The following LSM3 variants were observed in gnomAD, a reference collection of about 807,000 sequenced individuals.
LSM3 encodes LSM3 homolog, U6 small nuclear RNA and mRNA degradation associated.
A neutral mutation model predicts 15.4 loss-of-function variants in LSM3; 14 were observed. The observed-to-expected ratio is 0.91, with a 90% CI of 0.60 to 1.42. The LOEUF (loss-of-function observed/expected upper bound fraction) is 1.42, where lower values mean the gene tolerates loss of function less well. Among genes scored for constraint, LSM3 ranks in the 40% most tolerant of loss-of-function variants. LSM3 has a pLI of 0.00. For synonymous variants in LSM3, 46 were observed against 45.1 expected, an observed-to-expected ratio of 1.02 and a Z score of -0.08; for missense variants, 88 against 127.9, an observed-to-expected ratio of 0.69 and a Z score of 1.50.
rs1254314975 is a variant in LSM3, at chr3:14,199,270, A to G, written c.*1154A>G. ...GCTGTTTTTATTTCTAGCTTCAGTC[A>G]GCACATAATGCTTAAAACCTAAAGA... On this transcript the variant is annotated 3_prime_UTR_variant, in exon 4 of 4. Transcript: ENST00000306024. 1 of 152,250 alleles carries G rather than the reference A, an allele frequency of 6.6e-6. No homozygotes were observed. Among genetic ancestry groups the G allele is most frequent in the Non-Finnish European group, 1.5e-5 (1 of 68,046 alleles). The allele number at this position is 152,250 out of a possible 1,614,324, so 9.4% of individuals were successfully genotyped here.
intron 1 of LSM3, 39 bp downstream of exon 1, chr3:14,178,920 T>A (rs1696972010): frequency 1.2e-6 from 2 of 1,611,530 alleles, no homozygotes; most frequent in African/African-American, 2.7e-5. Context: ...AGGAGCTTCT[T>A]GTACTAGGCT....
intron 3 of LSM3, among the ~76,000 whole-genome samples, chr3:14,191,174 G>C (rs189853068): frequency 1.3e-5 from 2 of 152,194 alleles, no homozygotes; most frequent in African/African-American, 4.8e-5. Flanking sequence ...GTGCTGCTGG[G>C]TTCAGCTTGC....
At chr3:14,189,717 G>A (rs1051431577) in intron 3 of LSM3, among the ~76,000 whole-genome samples, 1 of 151,874 alleles carries the variant, frequency 6.6e-6, no homozygotes, top group Admixed American at 6.6e-5. Flanking sequence ...TCAGATGGAT[G>A]GATTGTAAAA....
chr3:14,197,865 C>T (rs745759905), intron 3 of LSM3, among the ~76,000 whole-genome samples, 171 bp from the exon 4 acceptor site: 2 of 152,222 alleles, frequency 1.3e-5, no homozygotes, highest in East Asian at 1.9e-4. Context: ...CCACAATTGT[C>T]GAAAGGAAGC....
intron 3 of LSM3, among the ~76,000 whole-genome samples, chr3:14,191,757 A>T: frequency 6.6e-6 from 1 of 150,904 alleles, no homozygotes; most frequent in Non-Finnish European, 1.5e-5. Flanking sequence ...TTATTTTTTT[A>T]GGGTTTTTCG....
intron 1 of LSM3, among the ~76,000 whole-genome samples, chr3:14,180,821 C>CT (rs1164090236): frequency 0.022 from 1,043 of 46,384 alleles, 58 homozygotes; most frequent in East Asian, 0.056. Context: ...GCTTGCTTGC[C>CT]TTTTTTTTTT....
At chr3:14,191,292 C>G (rs985370598) in intron 3 of LSM3, among the ~76,000 whole-genome samples, 1 of 152,112 alleles carries the variant, frequency 6.6e-6, no homozygotes, top group Non-Finnish European at 1.5e-5. Flanking sequence ...ATGATGCTGG[C>G]CTCATAAAAT....
chr3:14,198,154 T>C lies in LSM3; in HGVS notation c.*38T>C. ...GTCCTGTATGGAAAACGGGAGACTTTGTACAGTGGCCTCTCTAAAAGTACA... is the reference window on the plus strand; with the variant it reads ...GTCCTGTATGGAAAACGGGAGACTTCGTACAGTGGCCTCTCTAAAAGTACA... On this transcript the variant is annotated 3_prime_UTR_variant, in exon 4 of 4. Transcript: ENST00000306024. 2 of 1,448,424 alleles carry C rather than the reference T, an allele frequency of 1.4e-6. No individual in the cohort carries two copies. Among genetic ancestry groups the C allele is most frequent in the Admixed American group, 1.7e-5 (1 of 59,634 alleles). 89.7% of individuals were successfully genotyped at this position (1,448,424 alleles called of 1,614,324 possible). A position where few individuals can be genotyped will look rare whatever the true frequency, so the allele number is the denominator to read the frequency against.
chr3:14,184,091 C>T lies in LSM3; in HGVS notation c.228+59C>T, dbSNP rs1386619598. 5 of 1,526,472 alleles carry T rather than the reference C, an allele frequency of 3.3e-6. No homozygotes were observed. In the African/African-American group the frequency reaches 4.2e-5, roughly 13 times the overall value. The allele number at this position is 1,526,472 out of a possible 1,614,324, so 94.6% of individuals were successfully genotyped here. On this transcript the variant is annotated intron_variant, in intron 3 of 3. Transcript: ENST00000306024. ...ATATCAGCTGTTCTCTCTCGAACAG[C>T]TTAACCCATATTTATGGGAAGCCTG...
At chr3:14,191,838 G>T (rs979267218) in intron 3 of LSM3, among the ~76,000 whole-genome samples, 1 of 151,730 alleles carries the variant, frequency 6.6e-6, no homozygotes, top group African/African-American at 2.4e-5. Flanking sequence ...TGATTTGTTT[G>T]CTGTTGCTTC....
chr3:14,194,858 T>C (rs182588003), intron 3 of LSM3, among the ~76,000 whole-genome samples: 1 of 151,058 alleles, frequency 6.6e-6, no homozygotes, highest in Non-Finnish European at 1.5e-5. Context: ...GTCGCCTTCT[T>C]TCTCAGGAAT....
At chr3:14,183,130 TTC>T (rs1161164686) in intron 2 of LSM3, among the ~76,000 whole-genome samples, 1 of 152,204 alleles carries the variant, frequency 6.6e-6, no homozygotes, top group South Asian at 2.1e-4. Context: ...GGCCCCAACT[TTC>T]TGTTTGTTTT....
chr3:14,192,597 C>G (rs1343745325), intron 3 of LSM3, among the ~76,000 whole-genome samples: 4 of 152,170 alleles, frequency 2.6e-5, no homozygotes, highest in Non-Finnish European at 4.4e-5. Context: ...ATTAGAATTG[C>G]AACTCCTGCT....
intron 3 of LSM3, among the ~76,000 whole-genome samples, chr3:14,191,806 T>C (rs1341522237): frequency 6.6e-6 from 1 of 152,206 alleles, no homozygotes; most frequent in Non-Finnish European, 1.5e-5. Context: ...ATCTTGGTTA[T>C]TTCATGTCTT....
At chr3:14,179,010 C>T in intron 1 of LSM3, 129 bp downstream of exon 1, 6 of 990,870 alleles carry the variant, frequency 6.1e-6, no homozygotes, top group Non-Finnish European at 6.2e-6. Context: ...CCTGTCCTTT[C>T]CGTAACCCCC....
In LSM3 at chr3:14,178,888, G is replaced by A. The variant is rs1467723984; in HGVS notation, c.21+7G>A. On this transcript the variant is annotated splice_region_variant and intron_variant, in intron 1 of 3. Coordinates refer to ENST00000306024, the MANE Select transcript of LSM3 (RefSeq NM_014463.3). ...GGCGGACGACGTAGACCAGGTAAGT[G>A]TATTTTAAGGAGGTCGCTCGAAGGA... 6.2e-7 allele frequency: 1 copy of A among 1,614,064 alleles called. No individual in the cohort carries two copies. The highest frequency in any genetic ancestry group is 2.2e-5 in the East Asian group (1 of 44,894).
At chr3:14,187,993 C>T (rs1269123109) in intron 3 of LSM3, among the ~76,000 whole-genome samples, 1 of 152,336 alleles carries the variant, frequency 6.6e-6, no homozygotes, top group Non-Finnish European at 1.5e-5. Flanking sequence ...GACAGTTTCT[C>T]TTGGGGACGT....
At chr3:14,194,878 G>A (rs1352078260) in intron 3 of LSM3, among the ~76,000 whole-genome samples, 1 of 131,576 alleles carries the variant, frequency 7.6e-6, no homozygotes, top group Non-Finnish European at 1.5e-5. Flanking sequence ...TTATTTATCT[G>A]TAGCCAGATC....
intron 3 of LSM3, among the ~76,000 whole-genome samples, chr3:14,188,740 A>G (rs1180349975): frequency 2.0e-5 from 3 of 151,976 alleles, no homozygotes; most frequent in African/African-American, 4.8e-5. Context: ...TTTCCTGTTG[A>G]TGGACAGATA....
Sources: allele counts gnomAD v4.1 joint callset (sites outside exome capture counted in the v4.1 genomes callset), GRCh38; gene constraint gnomAD v4.1.1; transcripts MANE v1.5; gene names NCBI Gene and HGNC (gene_info 2026-07-23, HGNC 2026-07-21).